The following ATXN10 variants were observed in gnomAD, a reference collection of about 807,000 sequenced individuals.
The protein encoded by ATXN10 is ataxin 10.
A neutral mutation model predicts 52.9 loss-of-function variants in ATXN10; 28 were observed. The ratio of observed to expected loss-of-function variants is 0.53; its 90% CI spans 0.39 to 0.73. ATXN10 has a LOEUF of 0.73. Ranked by LOEUF, ATXN10 falls within the 30% of genes least tolerant of loss-of-function variation. The pLI, the probability that ATXN10 is intolerant of heterozygous loss-of-function variation, is 0.00. For missense variants in ATXN10, 565 were observed against 577.0 expected (o/e 0.98, Z 0.21); for synonymous variants, 226 against 221.5 (o/e 1.02, Z -0.18).
intron 8 of ATXN10, among the ~76,000 whole-genome samples, chr22:45,739,351 A>G (rs1301552729): frequency 1.3e-5 from 2 of 152,222 alleles, no homozygotes; most frequent in African/African-American, 4.8e-5. Context: ...TTGCAAAATA[A>G]TTCAAGTAGA....
In ATXN10 at chr22:45,843,436, A is replaced by G. The variant is rs73441954; in HGVS notation, c.1426-233A>G. On this transcript the variant is annotated intron_variant, in intron 11 of 11. Transcript: ENST00000252934. The surrounding 1 kb of genome is among the most constrained non-coding windows in gnomAD (Gnocchi z 4.5). ...ATACAAAAGGCATATCAAAAGTTAT[A>G]CATGGTCTAAAAGTAAGTTACTCAT... 8.9e-3 allele frequency among the ~76,000 whole-genome samples: 1,350 copies of G among 152,370 alleles called. 12 individuals carry two copies. The highest frequency in any genetic ancestry group is 0.03 in the African/African-American group (1,265 of 41,588).
Position 45,709,852 on chromosome 22 carries a change from T to TC in ATXN10, c.647+7006dup, listed in dbSNP as rs1444316758. On this transcript the variant is annotated intron_variant, in intron 5 of 11. Transcript: ENST00000252934. ...CTGTTACTCTACCAATGTTTATCCT[T>TC]CAGTAACTGGTACCACCATTTACTC... Among the ~76,000 whole-genome samples the TC allele has an allele frequency of 2.6e-5, 4 of 152,204 alleles. No homozygotes were observed. The South Asian group carries it at 6.2e-4, about 24-fold the overall frequency.
At position 45,826,786 on chromosome 22, in the gene ATXN10, A is replaced by G. The variant is rs1251402437; in HGVS notation, c.1238-16205A>G. ...AGACCTGCCTTGTAAGAAATGCTCA[A>G]GGTAATCCTGCAGGATGAAATGAGA... is the stretch of plus-strand genomic sequence containing the variant. On this transcript the variant is annotated intron_variant, in intron 10 of 11. Transcript: ENST00000252934. The surrounding 1 kb of genome is among the most constrained non-coding windows in gnomAD (Gnocchi z 5.0). 1.3e-5 allele frequency among the ~76,000 whole-genome samples: 2 copies of G among 152,230 alleles called. No individual in the cohort carries two copies. Among genetic ancestry groups the G allele is most frequent in the Non-Finnish European group, 2.9e-5 (2 of 68,034 alleles).
intron 1 of ATXN10, among the ~76,000 whole-genome samples, chr22:45,682,741 C>T (rs1252907672): frequency 6.6e-6 from 1 of 152,228 alleles, no homozygotes; most frequent in Non-Finnish European, 1.5e-5. Flanking sequence ...ACAATAAATA[C>T]ATCTTTCAAT....
chr22:45,691,624 G>C (rs970712281), intron 2 of ATXN10, among the ~76,000 whole-genome samples: 1 of 152,204 alleles, frequency 6.6e-6, no homozygotes, highest in East Asian at 1.9e-4. Flanking sequence ...GGCCAGGCGC[G>C]GTGGCTCACG....
At chr22:45,804,957 CTA>C (rs1569072018) in intron 9 of ATXN10, among the ~76,000 whole-genome samples, 3 of 151,982 alleles carry the variant, frequency 2.0e-5, no homozygotes, top group Non-Finnish European at 2.9e-5. Context: ...TGTAATCTGG[CTA>C]CATCTCCTGG....
rs181341445 is a variant in ATXN10 at position 45,835,110 on chromosome 22, C to G, written c.1238-7881C>G. On this transcript the variant is annotated intron_variant, in intron 10 of 11. Transcript: ENST00000252934. This position sits in a 1 kb window ranked among gnomAD's most constrained non-coding sequence, Gnocchi z 5.0. ...CCACAGGATCCTTCACCGCCAAAAC[C>G]CCGTGAATGTGAGGTACCTGTGAGC... is the stretch of plus-strand genomic sequence containing the variant. Among the ~76,000 whole-genome samples, 2 of 152,332 alleles carry G rather than the reference C, an allele frequency of 1.3e-5. No homozygotes were observed. Among genetic ancestry groups the G allele is most frequent in the East Asian group, 3.9e-4 (2 of 5,182 alleles).
Position 45,684,684 on chromosome 22 carries a change from A to G in ATXN10, c.117-5028A>G, listed in dbSNP as rs1430523737. Among the ~76,000 whole-genome samples the G allele has an allele frequency of 6.6e-6, 1 of 152,144 alleles. No individual in the cohort carries two copies. Among genetic ancestry groups the G allele is most frequent in the Non-Finnish European group, 1.5e-5 (1 of 68,032 alleles). ...GGAAATATTCACTCTCTGACCCTTT[A>G]CAGAAAAAGTTTGTGACCCTGCAAA... is the stretch of plus-strand genomic sequence containing the variant. On this transcript the variant is annotated intron_variant, in intron 1 of 11. Transcript: ENST00000252934. This position sits in a 1 kb window ranked among gnomAD's most constrained non-coding sequence, Gnocchi z 4.1.
chr22:45,810,131 C>T lies in ATXN10; in HGVS notation c.1237+3109C>T, dbSNP rs549438747. Among the ~76,000 whole-genome samples the T allele has an allele frequency of 1.1e-4, 16 of 152,258 alleles. No homozygotes were observed. In the South Asian group the frequency reaches 3.1e-3, roughly 30 times the overall value. On this transcript the variant is annotated intron_variant, in intron 10 of 11. Transcript: ENST00000252934. Reference sequence around the variant, plus strand: ...GTGTTAGGATCTATTTCTATTCTCTCCAGATGGCACACAATTGTCTTGGCC... The same window carrying T: ...GTGTTAGGATCTATTTCTATTCTCTTCAGATGGCACACAATTGTCTTGGCC...
chr22:45,777,578 G>C (rs1281777993), intron 9 of ATXN10, among the ~76,000 whole-genome samples: 1 of 152,212 alleles, frequency 6.6e-6, no homozygotes, highest in African/African-American at 2.4e-5. Context: ...TGGTTAGGCT[G>C]TTTTCCTTAT....
chr22:45,818,341 C>T lies in ATXN10; in HGVS notation c.1237+11319C>T, dbSNP rs2146897184. On this transcript the variant is annotated intron_variant, in intron 10 of 11. Transcript: ENST00000252934. The surrounding 1 kb of genome is among the most constrained non-coding windows in gnomAD (Gnocchi z 4.6). ...GCGTCCCTCTCTCTGCCTCAGGCCT[C>T]TGTGTTCCTGCAGGCCAGTGCCTTG... Among the ~76,000 whole-genome samples the T allele has an allele frequency of 6.6e-6, 1 of 152,314 alleles. No individual in the cohort carries two copies. Among genetic ancestry groups the T allele is most frequent in the South Asian group, 2.1e-4 (1 of 4,822 alleles).
At chr22:45,711,600 A>T (rs1252725100) in intron 5 of ATXN10, among the ~76,000 whole-genome samples, 3 of 152,174 alleles carry the variant, frequency 2.0e-5, no homozygotes, top group Non-Finnish European at 4.4e-5. Flanking sequence ...AGTTTTACAG[A>T]TGTTACCATT....
intron 10 of ATXN10, among the ~76,000 whole-genome samples, chr22:45,812,830 T>C (rs1024985185): frequency 6.6e-6 from 1 of 152,132 alleles, no homozygotes; most frequent in Admixed American, 6.5e-5. Flanking sequence ...ACATCTGCAG[T>C]CAGGACTGTA....
intron 9 of ATXN10, among the ~76,000 whole-genome samples, chr22:45,748,285 C>T (rs1298437837): frequency 6.6e-6 from 1 of 152,126 alleles, no homozygotes; most frequent in Non-Finnish European, 1.5e-5. Flanking sequence ...TTGAAAAGAT[C>T]TAGTTCATTC....
intron 6 of ATXN10, among the ~76,000 whole-genome samples, chr22:45,719,454 G>T (rs1328832726): frequency 6.6e-6 from 1 of 151,966 alleles, no homozygotes; most frequent in African/African-American, 2.4e-5. Flanking sequence ...TCCAATTCCA[G>T]TGCTTCTTTC....
At chr22:45,832,156 A>G (rs1463370046) in intron 10 of ATXN10, among the ~76,000 whole-genome samples, 1 of 152,048 alleles carries the variant, frequency 6.6e-6, no homozygotes, top group African/African-American at 2.4e-5. Context: ...GAGCTTCTTA[A>G]TTTTTCTACT....
rs937876782 is a variant in ATXN10, at chr22:45,841,030, C to T, written c.1238-1961C>T. ...AAATAATTCATTGTTGAGAAGTTGACGGATATGTTGGAAGTGCTTGATACC... is the reference window on the plus strand; with the variant it reads ...AAATAATTCATTGTTGAGAAGTTGATGGATATGTTGGAAGTGCTTGATACC... On this transcript the variant is annotated intron_variant, in intron 10 of 11. Transcript: ENST00000252934. This position sits in a 1 kb window ranked among gnomAD's most constrained non-coding sequence, Gnocchi z 5.1. Among the ~76,000 whole-genome samples the T allele has an allele frequency of 2.6e-5, 4 of 152,060 alleles. No individual in the cohort carries two copies. The highest frequency in any genetic ancestry group is 2.9e-5 in the Non-Finnish European group (2 of 68,028).
intron 9 of ATXN10, among the ~76,000 whole-genome samples, chr22:45,747,608 A>C (rs1569047686): frequency 1.3e-5 from 2 of 152,306 alleles, no homozygotes; most frequent in East Asian, 1.9e-4. Flanking sequence ...CTGTTTATAG[A>C]GGAACCTTAC....
In ATXN10 at chr22:45,841,053, A is replaced by G. The variant is rs781501918; in HGVS notation, c.1238-1938A>G. Among the ~76,000 whole-genome samples the G allele has an allele frequency of 8.5e-5, 13 of 152,176 alleles. No homozygotes were observed. The highest frequency in any genetic ancestry group is 2.0e-4 in the Admixed American group (3 of 15,276). On this transcript the variant is annotated intron_variant, in intron 10 of 11. Transcript: ENST00000252934. This position sits in a 1 kb window ranked among gnomAD's most constrained non-coding sequence, Gnocchi z 5.1. Reference sequence around the variant, plus strand: ...GACGGATATGTTGGAAGTGCTTGATACCGGGGCTCGTTATCTTTATTCTCT... The same window carrying G: ...GACGGATATGTTGGAAGTGCTTGATGCCGGGGCTCGTTATCTTTATTCTCT...
Sources: gnomAD v4.1 joint callset for allele counts (sites outside exome capture counted in the v4.1 genomes callset) on GRCh38, gnomAD v4.1.1 for gene constraint, Gnocchi (gnomAD v3.1) non-coding constraint, MANE v1.5 for transcripts, NCBI Gene and HGNC (gene_info 2026-07-23, HGNC 2026-07-21) for gene names.